The following IFT172 variants were observed in gnomAD, a reference collection of about 807,000 sequenced individuals.
IFT172 encodes intraflagellar transport 172.
A neutral mutation model predicts 248.9 loss-of-function variants in IFT172; 164 were observed. The ratio of observed to expected loss-of-function variants is 0.66; its 90% CI spans 0.58 to 0.75. The LOEUF (loss-of-function observed/expected upper bound fraction) is 0.75. Among genes scored for constraint, IFT172 ranks in the 30% least tolerant of loss-of-function variants. The pLI is 0.00. For missense variants in IFT172, 1,950 were observed against 2,192.4 expected (o/e 0.89, Z 2.21); for synonymous variants, 729 against 791.6 (o/e 0.92, Z 1.33).
chr2:27,457,406 CA>C (rs1454045225), intron 29 of IFT172, among the ~76,000 whole-genome samples: 2 of 151,976 alleles, frequency 1.3e-5, no homozygotes, highest in African/African-American at 4.8e-5. Flanking sequence ...CTTGTCTCTA[CA>C]AAAAAATTAA....
Position 27,445,111 on chromosome 2 carries a change from G to A in IFT172, c.5069-6C>T, listed in dbSNP as rs1377937532. On this transcript the variant is annotated splice_region_variant and splice_polypyrimidine_tract_variant and intron_variant, in intron 46 of 47. Coordinates refer to ENST00000260570, the MANE Select transcript of IFT172 (RefSeq NM_015662.3). The surrounding 1 kb of genome is among the most constrained non-coding windows in gnomAD (Gnocchi z 4.4). ...GTTCCTCAGAATGGGGTATCCTGTG[G>A]AGGAAGAAAAAATGATGAACTGGGG... 1 of 1,613,748 alleles carries A rather than the reference G, an allele frequency of 6.2e-7. No homozygotes were observed. Among genetic ancestry groups the A allele is most frequent in the South Asian group, 1.1e-5 (1 of 90,964 alleles).
chr2:27,481,180 C>T lies in IFT172; in HGVS notation c.651G>A (p.Arg217=). 1 of 1,613,260 alleles carries T rather than the reference C, an allele frequency of 6.2e-7. No individual in the cohort carries two copies. Among genetic ancestry groups the T allele is most frequent in the Non-Finnish European group, 8.5e-7 (1 of 1,180,006 alleles). The change falls in exon 8 of 48, where the codon CGG becomes CGA. Residue 217 remains arginine (R), a synonymous_variant. Coordinates refer to ENST00000260570, the MANE Select transcript of IFT172 (RefSeq NM_015662.3). ...TNSIVAAGCD[R]KIVAYGKEGH... The stretch of plus-strand genomic sequence containing the variant: ...CTTCTTTTCCATAGGCTACAATTTT[C>T]CGATCACAGCCTGCAGCCACGATGC...
rs761913977 is a variant in IFT172 at position 27,485,440 on chromosome 2, T to G, written c.103A>C (p.Thr35Pro). 3.1e-6 allele frequency: 5 copies of G among 1,614,162 alleles called. No individual in the cohort carries two copies. In the South Asian group the frequency reaches 5.5e-5, roughly 18 times the overall value. Residue 35 changes from threonine to proline, a missense_variant, in exon 2 of 48, where the codon ACA becomes CCA. Around this residue, in one of 3 missense-constraint regions of IFT172, gnomAD observed 1,166 missense variants for 1,254.1 expected, o/e 0.93. Coordinates refer to ENST00000260570, the MANE Select transcript of IFT172 (RefSeq NM_015662.3). Reference protein sequence around the residue: ...SQNNAKFAVCTVDRVVLLYDE... With the variant: ...SQNNAKFAVCPVDRVVLLYDE... ...TACAGCAAGACCACTCGGTCCACTGTGCAGACAGCAAATTTGGCATTGTTC... is the reference window on the plus strand; with the variant it reads ...TACAGCAAGACCACTCGGTCCACTGGGCAGACAGCAAATTTGGCATTGTTC...
chr2:27,449,446 G>A (rs1665454199), intron 38 of IFT172, 53 bp downstream of exon 38: 1 of 1,590,688 alleles, frequency 6.3e-7, no homozygotes, highest in Non-Finnish European at 8.6e-7. Context: ...GAGGGAGAGA[G>A]TCTTGTGAGT....
Position 27,479,601 on chromosome 2 carries a change from T to C in IFT172, c.913A>G (p.Thr305Ala). Reference sequence around the variant, plus strand: ...AACTGTTCCACCCCACCACATAGTGTGCCCTAGAAGGGAAAGTGACAGCAT... The same window carrying C: ...AACTGTTCCACCCCACCACATAGTGCGCCCTAGAAGGGAAAGTGACAGCAT... ...KRDGSRLCVG[T>A]LCGGVEQFDC... The change falls in exon 10 of 48, where the codon ACA (threonine) becomes GCA (alanine). Residue 305 changes from threonine to alanine, a missense_variant. Around this residue, in one of 3 missense-constraint regions of IFT172, gnomAD observed 1,166 missense variants for 1,254.1 expected, o/e 0.93. Transcript: ENST00000260570. The C allele has an allele frequency of 6.2e-7, 1 of 1,603,776 alleles. No homozygotes were observed. The highest frequency in any genetic ancestry group is 8.5e-7 in the Non-Finnish European group (1 of 1,170,696).
chr2:27,476,847 G>T, intron 13 of IFT172, 121 bp from the exon 14 acceptor site: 1 of 653,960 alleles, frequency 1.5e-6, no homozygotes, highest in Non-Finnish European at 2.7e-6. Flanking sequence ...TTTGAGACAG[G>T]GTCTCACTCT....
At chr2:27,470,453 C>G (rs2148527096) in intron 16 of IFT172, among the ~76,000 whole-genome samples, 1 of 152,356 alleles carries the variant, frequency 6.6e-6, no homozygotes, top group East Asian at 1.9e-4. Flanking sequence ...CATACACACA[C>G]ACTCCTAGCC....
rs772983278 is a variant in IFT172, at chr2:27,484,245, G to A, written c.318C>T (p.Cys106=). ...GEDWGDKKVI[C]NKFIQTSAVT... is the part of the protein sequence containing the mutation. ...ACTTTACCGTCTGGATGAACTTGTT[G>A]CAGATGACTTTCTTGTCACCCCTGC... The change falls in exon 4 of 48, where the codon TGC becomes TGT. Residue 106 remains cysteine, a synonymous_variant. Transcript: ENST00000260570. 6 of 1,613,838 alleles carry A rather than the reference G, an allele frequency of 3.7e-6. No homozygotes were observed. In the African/African-American group the frequency reaches 8.0e-5, roughly 22 times the overall value.
chr2:27,452,123 A>G (rs1239184861), intron 35 of IFT172, among the ~76,000 whole-genome samples: 1 of 152,154 alleles, frequency 6.6e-6, no homozygotes, highest in East Asian at 1.9e-4. Context: ...TTAAATTGGT[A>G]GACTGAGTAA....
rs749584072 is a variant in IFT172, at chr2:27,449,570, G to T, written c.4161-8C>A. 2 of 1,614,188 alleles carry T rather than the reference G, an allele frequency of 1.2e-6. No homozygotes were observed. Among genetic ancestry groups the T allele is most frequent in the Non-Finnish European group, 1.7e-6 (2 of 1,180,038 alleles). ...TCCACATAGTCTTCATACCTGTGAA[G>T]ATGTTCAGAGAGCTCCATCTTCATG... On this transcript the variant is annotated splice_region_variant and splice_polypyrimidine_tract_variant and intron_variant, in intron 37 of 47. Coordinates refer to ENST00000260570, the MANE Select transcript of IFT172 (RefSeq NM_015662.3).
intron 35 of IFT172, 148 bp from the exon 36 acceptor site, chr2:27,450,244 C>T: frequency 1.6e-6 from 1 of 610,580 alleles, no homozygotes; most frequent in East Asian, 2.8e-5. Flanking sequence ...TGGGCAAAAC[C>T]TGGCTCATGG....
At position 27,445,007 on chromosome 2, in the gene IFT172, C is replaced by T; in HGVS notation, c.5160+7G>A. 1 of 1,613,916 alleles carries T rather than the reference C, an allele frequency of 6.2e-7. No homozygotes were observed. The highest frequency in any genetic ancestry group is 8.5e-7 in the Non-Finnish European group (1 of 1,179,924). On this transcript the variant is annotated splice_region_variant and intron_variant, in intron 47 of 47. Coordinates refer to ENST00000260570, the MANE Select transcript of IFT172 (RefSeq NM_015662.3). The surrounding 1 kb of genome is among the most constrained non-coding windows in gnomAD (Gnocchi z 4.4). ...CTGCCTTCATTCTCCAAGTCCTCCT[C>T]TCTAACCTTGATGGCCATAAGGAAT...
intron 30 of IFT172, chr2:27,455,323 A>G: frequency 3.1e-6 from 1 of 326,458 alleles, no homozygotes. Flanking sequence ...TGATGATCAC[A>G]GCTAGGAAAA....
In IFT172 at chr2:27,445,701, TCA is replaced by T; in HGVS notation, c.4914+42_4914+43del. ...AAGATATTCTCCCTCCTCAAGGCAC[TCA>T]CACTGGTGAGGCCTTCCGGTTTTCC... On this transcript the variant is annotated intron_variant, in intron 45 of 47. Transcript: ENST00000260570. The surrounding 1 kb of genome is among the most constrained non-coding windows in gnomAD (Gnocchi z 4.4). 1 of 1,602,740 alleles carries T rather than the reference TCA, an allele frequency of 6.2e-7. No homozygotes were observed. The highest frequency in any genetic ancestry group is 8.5e-7 in the Non-Finnish European group (1 of 1,170,012).
intron 16 of IFT172, chr2:27,470,688 G>C (rs1667498721): frequency 1.3e-5 from 5 of 372,662 alleles, no homozygotes; most frequent in South Asian, 2.2e-4. Context: ...TCCATATTAT[G>C]ACCTGGTGAC....
chr2:27,454,673 G>C lies in IFT172; in HGVS notation c.3372-13C>G. On this transcript the variant is annotated splice_polypyrimidine_tract_variant and intron_variant, in intron 30 of 47. Transcript: ENST00000260570. The surrounding 1 kb of genome is among the most constrained non-coding windows in gnomAD (Gnocchi z 4.2). Reference sequence around the variant, plus strand: ...AAATTCAAAGGAGCTGAAACAGAAAGTGCAGATAAAGTTTTCTTGCTTCAT... The same window carrying C: ...AAATTCAAAGGAGCTGAAACAGAAACTGCAGATAAAGTTTTCTTGCTTCAT... 8 of 1,613,064 alleles carry C rather than the reference G, an allele frequency of 5.0e-6. No individual in the cohort carries two copies. Among genetic ancestry groups the C allele is most frequent in the Non-Finnish European group, 6.8e-6 (8 of 1,179,162 alleles).
rs899028244 is a variant in IFT172, at chr2:27,456,777, G to C, written c.3229-124C>G. The C allele has an allele frequency of 8.7e-6, 12 of 1,372,356 alleles. No individual in the cohort carries two copies. The African/African-American group carries it at 1.7e-4, about 20-fold the overall frequency. 85.0% of individuals were successfully genotyped at this position (1,372,356 alleles called of 1,614,324 possible). Reference sequence around the variant, plus strand: ...GAACAGGAAGAGGCTGGGTGTGGTGGCTCATACCTATAATCCCAGCATTTT... The same window carrying C: ...GAACAGGAAGAGGCTGGGTGTGGTGCCTCATACCTATAATCCCAGCATTTT... On this transcript the variant is annotated intron_variant, in intron 29 of 47. Coordinates refer to ENST00000260570, the MANE Select transcript of IFT172 (RefSeq NM_015662.3).
chr2:27,477,934 C>A (rs553252607), intron 11 of IFT172, 61 bp downstream of exon 11: 167 of 1,594,784 alleles, frequency 1.0e-4, no homozygotes, highest in Non-Finnish European at 1.3e-4. Flanking sequence ...GATTTTGGGT[C>A]CCCACAAATA....
chr2:27,447,404 G>C, intron 42 of IFT172, 111 bp downstream of exon 42: 3 of 1,425,110 alleles, frequency 2.1e-6, no homozygotes, highest in Admixed American at 2.1e-5. Flanking sequence ...AAGACAGGTG[G>C]GGAGATTCAA....
Sources: allele counts gnomAD v4.1 joint callset (sites outside exome capture counted in the v4.1 genomes callset), GRCh38; gene constraint gnomAD v4.1.1; regional missense constraint gnomAD v4.1.1; non-coding constraint Gnocchi (gnomAD v3.1); transcripts MANE v1.5; gene names NCBI Gene and HGNC (gene_info 2026-07-23, HGNC 2026-07-21).